The following CTNNA3 variants were observed in gnomAD, a reference collection of about 807,000 sequenced individuals.
The protein encoded by CTNNA3 is catenin alpha 3, also known as catenin alpha-3.
In CTNNA3, 76 loss-of-function variants were observed where a neutral mutation model predicts 95.7. The ratio of observed to expected loss-of-function variants is 0.79; its 90% confidence interval spans 0.66 to 0.96. The LOEUF (loss-of-function observed/expected upper bound fraction) is 0.96. Among genes scored for constraint, CTNNA3 ranks in the 40% least tolerant of loss-of-function variants. The pLI, the probability that CTNNA3 is intolerant of heterozygous loss-of-function variation, is 0.00. For synonymous variants in CTNNA3, 431 were observed against 374.4 expected, an observed-to-expected ratio of 1.15 and a Z score of -1.74; for missense variants, 1,191 against 1,089.8, an observed-to-expected ratio of 1.09 and a Z score of -1.31.
intron 5 of CTNNA3, among the ~76,000 whole-genome samples, chr10:67,485,834 T>C (rs372210598): frequency 1.3e-5 from 2 of 152,174 alleles, no homozygotes; most frequent in South Asian, 4.1e-4. Context: ...AAGCTTTCCT[T>C]CAAATAAGTC....
chr10:66,100,512 C>A (rs2081580150), intron 14 of CTNNA3, among the ~76,000 whole-genome samples: 1 of 152,174 alleles, frequency 6.6e-6, no homozygotes, highest in African/African-American at 2.4e-5. Context: ...TATCTTGTCA[C>A]TAAACAGTGG....
At chr10:66,570,196 A>G (rs1842827071) in intron 10 of CTNNA3, among the ~76,000 whole-genome samples, 1 of 152,144 alleles carries the variant, frequency 6.6e-6, no homozygotes, top group African/African-American at 2.4e-5. Context: ...GTCTCTCCAC[A>G]TTACCCCTGA....
chr10:66,706,763 A>C (rs1490594011), intron 9 of CTNNA3, among the ~76,000 whole-genome samples: 2 of 152,022 alleles, frequency 1.3e-5, no homozygotes, highest in African/African-American at 4.8e-5. Context: ...CCATATGAAA[A>C]GGGGGAGGGG....
At chr10:66,737,145 G>A (rs1849170590) in intron 9 of CTNNA3, among the ~76,000 whole-genome samples, 2 of 151,140 alleles carry the variant, frequency 1.3e-5, no homozygotes, top group South Asian at 2.1e-4. Flanking sequence ...ACATTGGCCT[G>A]TGCATGTTTC....
chr10:67,472,709 G>T lies in CTNNA3; in HGVS notation c.579+49133C>A, dbSNP rs114516016. Among the ~76,000 whole-genome samples, 563 of 152,292 alleles carry T rather than the reference G, an allele frequency of 3.7e-3. 8 individuals are homozygous for T. The highest frequency in any genetic ancestry group is 0.013 in the African/African-American group (526 of 41,576). On this transcript the variant is annotated intron_variant, in intron 5 of 17. Coordinates refer to ENST00000433211, the MANE Select transcript of CTNNA3 (RefSeq NM_013266.4). The stretch of plus-strand genomic sequence containing the variant: ...TGACGAGCCTGGGACTGGGGGGATA[G>T]GGTGCTCTGCCTATGGAGTAGCCTT...
chr10:67,359,823 C>G (rs1232820552), intron 5 of CTNNA3, among the ~76,000 whole-genome samples: 2 of 152,038 alleles, frequency 1.3e-5, no homozygotes, highest in African/African-American at 4.8e-5. Context: ...CTAGAGAAGT[C>G]AACATGCAAT....
At chr10:66,311,804 C>T (rs1443584157) in intron 12 of CTNNA3, among the ~76,000 whole-genome samples, 1 of 152,100 alleles carries the variant, frequency 6.6e-6, no homozygotes, top group Non-Finnish European at 1.5e-5. Flanking sequence ...ACGTTGCTCC[C>T]TGATAGTTAC....
At chr10:67,515,164 T>C (rs1366203755) in intron 5 of CTNNA3, among the ~76,000 whole-genome samples, 4 of 152,210 alleles carry the variant, frequency 2.6e-5, no homozygotes, top group African/African-American at 4.8e-5. Flanking sequence ...GGCAAGTTTC[T>C]TACATTAAAA....
In CTNNA3 at chr10:65,989,028, C is replaced by T. The variant is rs548983479; in HGVS notation, c.2160-231G>A. ...CAGTCTCGGCTCACTGCAACCTCCGCTTCTCGGGTTCAAGCGATTCTCCAG... is the reference window on the plus strand; with the variant it reads ...CAGTCTCGGCTCACTGCAACCTCCGTTTCTCGGGTTCAAGCGATTCTCCAG... On this transcript the variant is annotated intron_variant, in intron 15 of 17. Coordinates refer to ENST00000433211, the MANE Select transcript of CTNNA3 (RefSeq NM_013266.4). Among the ~76,000 whole-genome samples, 238 of 152,284 alleles carry T rather than the reference C, an allele frequency of 1.6e-3. 3 individuals carry two copies. Among genetic ancestry groups the T allele is most frequent in the African/African-American group, 5.5e-3 (230 of 41,562 alleles).
At chr10:67,750,071 G>A (rs1341922699) in intron 1 of CTNNA3, among the ~76,000 whole-genome samples, 2 of 152,120 alleles carry the variant, frequency 1.3e-5, no homozygotes, top group Admixed American at 6.6e-5. Flanking sequence ...AAGTCAGCGA[G>A]ACTATGAACC....
intron 2 of CTNNA3, among the ~76,000 whole-genome samples, chr10:67,638,237 T>G (rs1280305809): frequency 6.6e-6 from 1 of 152,162 alleles, no homozygotes; most frequent in Non-Finnish European, 1.5e-5. Context: ...AGACAGACTT[T>G]AAACCAACAA....
At chr10:67,495,506 A>G (rs1432672889) in intron 5 of CTNNA3, among the ~76,000 whole-genome samples, 1 of 152,118 alleles carries the variant, frequency 6.6e-6, no homozygotes, top group East Asian at 1.9e-4. Flanking sequence ...CATGTCTCCT[A>G]CCCTGGAGGA....
At chr10:66,785,027 C>T (rs1840687508) in intron 7 of CTNNA3, among the ~76,000 whole-genome samples, 1 of 152,206 alleles carries the variant, frequency 6.6e-6, no homozygotes, top group Non-Finnish European at 1.5e-5. Flanking sequence ...GAGCATTTTT[C>T]ATGGTCCAGA....
chr10:67,318,408 C>T (rs1194846488), intron 5 of CTNNA3, among the ~76,000 whole-genome samples: 2 of 152,116 alleles, frequency 1.3e-5, no homozygotes, highest in Admixed American at 6.5e-5. Context: ...ATGGAAGTTA[C>T]CCTAGATCTG....
chr10:66,556,394 G>T (rs1052584698), intron 10 of CTNNA3, among the ~76,000 whole-genome samples: 2 of 151,970 alleles, frequency 1.3e-5, no homozygotes, highest in African/African-American at 4.8e-5. Context: ...TCAGTATCGC[G>T]AAGAGATTTC....
chr10:66,354,731 C>A (rs893668108), intron 12 of CTNNA3, among the ~76,000 whole-genome samples: 1 of 152,038 alleles, frequency 6.6e-6, no homozygotes, highest in Non-Finnish European at 1.5e-5. Flanking sequence ...ACCTAGACAT[C>A]CATTACTCTA....
intron 12 of CTNNA3, among the ~76,000 whole-genome samples, chr10:66,309,658 C>T (rs182970719): frequency 7.6e-6 from 1 of 131,430 alleles, no homozygotes; most frequent in African/African-American, 2.9e-5. Context: ...TGCACTCCAG[C>T]CTAGGCGGCA....
intron 6 of CTNNA3, among the ~76,000 whole-genome samples, chr10:67,189,423 TTAA>T (rs999537716): frequency 6.6e-6 from 1 of 152,020 alleles, no homozygotes; most frequent in Non-Finnish European, 1.5e-5. Context: ...GTAACTATAG[TTAA>T]TAATAATGTA....
rs78573356 is a variant in CTNNA3 at position 66,157,502 on chromosome 10, G to T, written c.1885-54253C>A. 8.9e-3 allele frequency among the ~76,000 whole-genome samples: 454 copies of T among 50,948 alleles called. 4 individuals carry two copies. Among genetic ancestry groups the T allele is most frequent in the African/African-American group, 0.025 (437 of 17,446 alleles). The allele number at this position is 50,948 out of a possible 152,430, so 33.4% of individuals were successfully genotyped here. On this transcript the variant is annotated intron_variant, in intron 13 of 17. Transcript: ENST00000433211. ...AGATAGATAGATATGTAGATAGATA[G>T]ATAGATAGATAGATAGATAGATAGA...
Sources: allele counts gnomAD v4.1 joint callset (sites outside exome capture counted in the v4.1 genomes callset), GRCh38; gene constraint gnomAD v4.1.1; transcripts MANE v1.5; gene names NCBI Gene and HGNC (gene_info 2026-07-23, HGNC 2026-07-21).